The following C2CD2 variants were observed in gnomAD, a reference collection of about 807,000 sequenced individuals.
C2CD2 encodes C2 calcium dependent domain containing 2.
Under a neutral mutation model 74.3 loss-of-function variants are expected in C2CD2, and 43 were observed. The observed-to-expected ratio is 0.58, with a 90% CI of 0.45 to 0.75. The LOEUF (loss-of-function observed/expected upper bound fraction) is 0.75, where lower values mean the gene tolerates loss of function less well. C2CD2 is among the 30% of genes least tolerant of loss of function. The probability of loss-of-function intolerance (pLI) is 0.00; values close to 1 mark genes in which losing one functional copy is unlikely to be tolerated. For missense variants in C2CD2, 801 were observed against 916.3 expected, an observed-to-expected ratio of 0.87 and a Z score of 1.63; for synonymous variants, 422 against 390.7, an observed-to-expected ratio of 1.08 and a Z score of -0.94.
intron 1 of C2CD2, among the ~76,000 whole-genome samples, chr21:41,948,896 T>TTTTTTTTTTTTA: frequency 7.1e-6 from 1 of 141,098 alleles, no homozygotes; most frequent in Non-Finnish European, 1.6e-5. Flanking sequence ...TTTTTTTCTT[T>TTTTTTTTTTTTA]TTTTTTACAA....
At chr21:41,902,862 T>C (rs1014408378) in intron 11 of C2CD2, among the ~76,000 whole-genome samples, 3 of 152,150 alleles carry the variant, frequency 2.0e-5, no homozygotes, top group South Asian at 2.1e-4. Context: ...AATAAGCCCC[T>C]GCACCCCATC....
chr21:41,936,492 A>G (rs1020395057), intron 2 of C2CD2, among the ~76,000 whole-genome samples: 6 of 152,348 alleles, frequency 3.9e-5, no homozygotes, highest in Middle Eastern at 3.4e-3. Context: ...GCTGTTGGTG[A>G]CAATGTAAAT....
intron 5 of C2CD2, among the ~76,000 whole-genome samples, chr21:41,915,755 TTTTA>T (rs544413447): frequency 1.2e-3 from 187 of 152,290 alleles, no homozygotes; most frequent in Middle Eastern, 3.4e-3. Context: ...TGTTCTTTTA[TTTTA>T]TTTATTTTGT....
chr21:41,904,192 T>C (rs1051257273), intron 11 of C2CD2, among the ~76,000 whole-genome samples: 2 of 152,016 alleles, frequency 1.3e-5, no homozygotes, highest in African/African-American at 4.8e-5. Context: ...GATGATACAC[T>C]GAGGATAACG....
At position 41,887,976 on chromosome 21, in the gene C2CD2, G is replaced by C. The variant is rs2064703902; in HGVS notation, c.*1148C>G. On this transcript the variant is annotated 3_prime_UTR_variant, in exon 14 of 14. Transcript: ENST00000380486. ...GAGGAAAGCGACTGGAATGATATTA[G>C]GGATATTCAAATGGTGTGCCAGGTT... 2.0e-5 allele frequency: 3 copies of C among 152,600 alleles called. No individual in the cohort carries two copies. In the South Asian group the frequency reaches 6.2e-4, roughly 32 times the overall value. The allele number at this position is 152,600 out of a possible 1,614,324, so 9.5% of individuals were successfully genotyped here.
intron 2 of C2CD2, among the ~76,000 whole-genome samples, chr21:41,928,305 CA>C (rs1284148239): frequency 2.0e-5 from 3 of 152,122 alleles, no homozygotes; most frequent in Admixed American, 2.0e-4. Flanking sequence ...GCTGCACCTG[CA>C]GGCTGGCTCG....
chr21:41,938,229 TA>T (rs1031834175), intron 2 of C2CD2, among the ~76,000 whole-genome samples: 39 of 151,424 alleles, frequency 2.6e-4, no homozygotes, highest in African/African-American at 4.9e-4. Context: ...TTTCATCAAT[TA>T]AAAAAAATAA....
intron 13 of C2CD2, 54 bp from the exon 14 acceptor site, chr21:41,889,398 A>G: frequency 8.1e-7 from 1 of 1,229,248 alleles, no homozygotes; most frequent in Non-Finnish European, 1.2e-6. Flanking sequence ...GAGGGGCTGA[A>G]TGACTGGTCC....
rs1032838551 is a variant in C2CD2, at chr21:41,939,301, CT to C, written c.378+2845del. 6.6e-6 allele frequency among the ~76,000 whole-genome samples: 1 copy of C among 152,192 alleles called. No individual in the cohort carries two copies. Among genetic ancestry groups the C allele is most frequent in the Non-Finnish European group, 1.5e-5 (1 of 68,036 alleles). ...TTGAATTACCTACCGTGTAAGGCCACTTTTCTGGCAATATGAAGTTTTTTTA... is the reference window on the plus strand; with the variant it reads ...TTGAATTACCTACCGTGTAAGGCCACTTTCTGGCAATATGAAGTTTTTTTA... On this transcript the variant is annotated intron_variant, in intron 2 of 13. Coordinates refer to ENST00000380486, the MANE Select transcript of C2CD2 (RefSeq NM_015500.2). This position sits in a 1 kb window ranked among gnomAD's most constrained non-coding sequence, Gnocchi z 5.5.
chr21:41,899,209 G>C lies in C2CD2; in HGVS notation c.1714C>G (p.Pro572Ala). ...TCTAGCTCGTCCTCCTGGGGCTTGG[G>C]GGCAAGGGATGCCTGGGCTGACTCG... The part of the protein sequence containing the change: ...EAESAQASLA[P>A]KPQEDELDSW... The change falls in exon 13 of 14, where the codon CCC becomes GCC. Residue 572 changes from proline to alanine, a missense_variant. Physicochemically the swap from Pro to Ala is conservative, Grantham distance 27. Coordinates refer to ENST00000380486, the MANE Select transcript of C2CD2 (RefSeq NM_015500.2). The surrounding 1 kb of genome is among the most constrained non-coding windows in gnomAD (Gnocchi z 4.4). 1 of 1,612,374 alleles carries C rather than the reference G, an allele frequency of 6.2e-7. No individual in the cohort carries two copies. The highest frequency in any genetic ancestry group is 1.3e-5 in the African/African-American group (1 of 75,000).
chr21:41,905,310 CTTTTTT>C (rs137969894), intron 11 of C2CD2, among the ~76,000 whole-genome samples: 47 of 125,356 alleles, frequency 3.7e-4, no homozygotes, highest in African/African-American at 1.3e-3. Context: ...CAAATCAAAA[CTTTTTT>C]TTTTTTTTTT....
At position 41,924,553 on chromosome 21, in the gene C2CD2, T is replaced by G. The variant is rs183849468; in HGVS notation, c.379-2468A>C. Among the ~76,000 whole-genome samples the G allele has an allele frequency of 5.5e-4, 84 of 152,318 alleles. No homozygotes were observed. Among genetic ancestry groups the G allele is most frequent in the African/African-American group, 1.9e-3 (80 of 41,568 alleles). On this transcript the variant is annotated intron_variant, in intron 2 of 13. Coordinates refer to ENST00000380486, the MANE Select transcript of C2CD2 (RefSeq NM_015500.2). The surrounding 1 kb of genome is among the most constrained non-coding windows in gnomAD (Gnocchi z 4.4). ...TTGTATAAGAAATGTTGTCTATTCA[T>G]GTTAAAAATAAATGATCTATAAACA... is the stretch of plus-strand genomic sequence containing the variant.
At chr21:41,908,490 C>T (rs989100243) in intron 8 of C2CD2, 4 of 152,256 alleles carry the variant, frequency 2.6e-5, no homozygotes, top group African/African-American at 7.2e-5. Context: ...CAGAAGTTGA[C>T]TTCTCTCCAG....
chr21:41,893,974 C>T (rs1401759713), intron 13 of C2CD2, among the ~76,000 whole-genome samples: 1 of 152,244 alleles, frequency 6.6e-6, no homozygotes, highest in Non-Finnish European at 1.5e-5. Context: ...GCTGGGATTA[C>T]AGGTGTGAGC....
chr21:41,914,499 G>T, intron 6 of C2CD2, 99 bp downstream of exon 6: 1 of 1,026,044 alleles, frequency 9.7e-7, no homozygotes, highest in Admixed American at 2.7e-5. Flanking sequence ...ACCCCCACGG[G>T]AGGATGCCAC....
chr21:41,939,198 C>T lies in C2CD2; in HGVS notation c.378+2949G>A, dbSNP rs1472225335. Among the ~76,000 whole-genome samples the T allele has an allele frequency of 2.0e-5, 3 of 152,154 alleles. No homozygotes were observed. The highest frequency in any genetic ancestry group is 3.8e-4 in the East Asian group (2 of 5,198). The stretch of plus-strand genomic sequence containing the variant: ...TGGTCATGGCCATACAAATACGATG[C>T]TGTTTTTCACTTCTAATTTACATGT... On this transcript the variant is annotated intron_variant, in intron 2 of 13. Transcript: ENST00000380486. The surrounding 1 kb of genome is among the most constrained non-coding windows in gnomAD (Gnocchi z 5.5).
rs1324756442 is a variant in C2CD2 at position 41,923,917 on chromosome 21, C to T, written c.379-1832G>A. On this transcript the variant is annotated intron_variant, in intron 2 of 13. Transcript: ENST00000380486. The surrounding 1 kb of genome is among the most constrained non-coding windows in gnomAD (Gnocchi z 5.8). ...CTGGCCAGGAGGAGGAGAGGGGAGGCCAGGGGCACAGTGGGCTGGACCACA... is the reference window on the plus strand; with the variant it reads ...CTGGCCAGGAGGAGGAGAGGGGAGGTCAGGGGCACAGTGGGCTGGACCACA... Among the ~76,000 whole-genome samples the T allele has an allele frequency of 1.3e-5, 2 of 151,970 alleles. No individual in the cohort carries two copies. The highest frequency in any genetic ancestry group is 2.9e-5 in the Non-Finnish European group (2 of 67,996).
At chr21:41,936,342 C>T (rs55763822) in intron 2 of C2CD2, among the ~76,000 whole-genome samples, 99 of 152,280 alleles carry the variant, frequency 6.5e-4, no homozygotes, top group African/African-American at 2.4e-3. Flanking sequence ...TGAAAAAGGG[C>T]TCAACATCAC....
chr21:41,918,049 T>TG, intron 5 of C2CD2, 56 bp downstream of exon 5: 2 of 1,602,170 alleles, frequency 1.2e-6, no homozygotes, highest in Non-Finnish European at 1.7e-6. Flanking sequence ...CCAAGAGAGG[T>TG]GGGCCATGGT....
Sources: gnomAD v4.1 joint callset for allele counts (sites outside exome capture counted in the v4.1 genomes callset) on GRCh38, gnomAD v4.1.1 for gene constraint, Gnocchi (gnomAD v3.1) non-coding constraint, MANE v1.5 for transcripts, NCBI Gene and HGNC (gene_info 2026-07-23, HGNC 2026-07-21) for gene names.